Variants in LMO7 observed in about 807,000 individuals in gnomAD.
The protein encoded by LMO7 is LIM domain only protein 7.
LMO7 carries 120 observed loss-of-function variants against 206.5 expected under a neutral mutation model. The observed-to-expected ratio is 0.58, with a 90% confidence interval of 0.50 to 0.68. LMO7 has a LOEUF of 0.68. Ranked by LOEUF, LMO7 falls within the 30% of genes least tolerant of loss-of-function variation. The probability of loss-of-function intolerance (pLI) is 0.00; values close to 1 mark genes in which losing one functional copy is unlikely to be tolerated. For missense variants in LMO7, 1,959 were observed against 1,957.9 expected (o/e 1.00, Z -0.01); for synonymous variants, 706 against 681.5 (o/e 1.04, Z -0.56).
At chr13:75,749,307 AT>A (rs2047100366) in intron 3 of LMO7, among the ~76,000 whole-genome samples, 1 of 152,070 alleles carries the variant, frequency 6.6e-6, no homozygotes. Flanking sequence ...TCACAGTGAC[AT>A]TTTTTCTTAA....
chr13:75,800,685 C>T lies in LMO7; in HGVS notation c.464C>T (p.Ala155Val). 2 of 1,613,636 alleles carry T rather than the reference C, an allele frequency of 1.2e-6. No individual in the cohort carries two copies. The highest frequency in any genetic ancestry group is 1.7e-6 in the Non-Finnish European group (2 of 1,179,638). ...TTCTTTAAAAAACGTTTTCTTTAGGCACTCGAAGACTCCAGCTTCCTGAAA... is the reference window on the plus strand; with the variant it reads ...TTCTTTAAAAAACGTTTTCTTTAGGTACTCGAAGACTCCAGCTTCCTGAAA... ...ENLLGQALTK[A>V]LEDSSFLKRS... Residue 155 changes from alanine to valine, a missense_variant and splice_region_variant, in exon 7 of 31, where the codon GCA becomes GTA. By Grantham distance (64) the Ala-to-Val change is moderately conservative. Transcript: ENST00000377534.
intron 1 of LMO7, among the ~76,000 whole-genome samples, chr13:75,639,854 C>A (rs956659013): frequency 1.3e-5 from 2 of 152,178 alleles, no homozygotes; most frequent in Admixed American, 1.3e-4. Context: ...TTTCTGCTCA[C>A]CTGCCCTTCC....
chr13:75,808,911 C>A (rs1204472274), intron 10 of LMO7, among the ~76,000 whole-genome samples: 1 of 152,086 alleles, frequency 6.6e-6, no homozygotes, highest in Non-Finnish European at 1.5e-5. Context: ...CAATGGGAAG[C>A]CTTTTCATAT....
chr13:75,768,664 T>C (rs557448923), intron 4 of LMO7, among the ~76,000 whole-genome samples: 1 of 152,270 alleles, frequency 6.6e-6, no homozygotes, highest in East Asian at 1.9e-4. Context: ...GTTCCATTTT[T>C]TTCCCTTCAT....
chr13:75,709,184 A>T (rs1375322832), intron 1 of LMO7, among the ~76,000 whole-genome samples: 5 of 152,102 alleles, frequency 3.3e-5, no homozygotes, highest in Admixed American at 3.3e-4. Context: ...CACTTTCTTA[A>T]TCCAGTCTAT....
intron 1 of LMO7, among the ~76,000 whole-genome samples, chr13:75,673,520 C>A (rs1456530038): frequency 6.6e-6 from 1 of 152,114 alleles, no homozygotes; most frequent in Non-Finnish European, 1.5e-5. Flanking sequence ...AGCTACCTTG[C>A]AACCCTGAGG....
chr13:75,673,497 G>C (rs1402287929), intron 1 of LMO7, among the ~76,000 whole-genome samples: 3 of 152,088 alleles, frequency 2.0e-5, no homozygotes, highest in African/African-American at 7.2e-5. Context: ...GGTGTGAGGA[G>C]CAGATGTCCA....
chr13:75,751,538 A>G (rs1177944454), intron 3 of LMO7, among the ~76,000 whole-genome samples: 1 of 152,122 alleles, frequency 6.6e-6, no homozygotes, highest in African/African-American at 2.4e-5. Flanking sequence ...TAATCATGAC[A>G]AGAGTATTTG....
intron 19 of LMO7, among the ~76,000 whole-genome samples, chr13:75,837,108 C>T (rs2059191047): frequency 1.3e-5 from 2 of 152,264 alleles, no homozygotes; most frequent in East Asian, 3.9e-4. Flanking sequence ...CCTAGACTGC[C>T]AAGAATGGGA....
intron 1 of LMO7, among the ~76,000 whole-genome samples, chr13:75,652,506 C>A (rs1179847203): frequency 6.6e-6 from 1 of 152,080 alleles, no homozygotes; most frequent in Admixed American, 6.6e-5. Context: ...TTTCTCTTTT[C>A]TGAGTCTCTT....
At chr13:75,684,444 C>T (rs1566307499) in intron 1 of LMO7, among the ~76,000 whole-genome samples, 1 of 151,862 alleles carries the variant, frequency 6.6e-6, no homozygotes, top group Non-Finnish European at 1.5e-5. Context: ...GCGGTTTCTC[C>T]ACGTTGGTCA....
intron 4 of LMO7, among the ~76,000 whole-genome samples, chr13:75,777,657 T>G: frequency 6.7e-6 from 1 of 150,074 alleles, no homozygotes; most frequent in African/African-American, 2.4e-5. Context: ...GTTTTTTTTT[T>G]TTTTTTGAGA....
intron 1 of LMO7, among the ~76,000 whole-genome samples, chr13:75,711,601 G>A (rs913226402): frequency 3.3e-5 from 5 of 152,190 alleles, no homozygotes; most frequent in East Asian, 1.9e-4. Context: ...TTCGGCTCAC[G>A]CTCGGTGCGC....
intron 1 of LMO7, among the ~76,000 whole-genome samples, chr13:75,711,605 G>A (rs1479161911): frequency 3.3e-5 from 5 of 152,130 alleles, no homozygotes; most frequent in Admixed American, 6.5e-5. Context: ...GCTCACGCTC[G>A]GTGCGCTGCA....
intron 3 of LMO7, 136 bp from the exon 4 acceptor site, chr13:75,760,796 T>G: frequency 6.5e-7 from 1 of 1,544,576 alleles, no homozygotes; most frequent in South Asian, 1.2e-5. Flanking sequence ...CAAATATACA[T>G]ATGCATGGGT....
chr13:75,632,366 T>A (rs1478920672), upstream of LMO7, among the ~76,000 whole-genome samples: 1 of 152,220 alleles, frequency 6.6e-6, no homozygotes, highest in Admixed American at 6.5e-5. Context: ...CCTTTCCATA[T>A]AACTATTTGA....
chr13:75,636,826 C>A (rs1336888211), intron 1 of LMO7, 100 bp downstream of exon 1: 7 of 1,188,664 alleles, frequency 5.9e-6, no homozygotes, highest in Non-Finnish European at 8.5e-6. Flanking sequence ...CTTTAGCCTC[C>A]TTCGGCGACC....
At chr13:75,632,362 C>T (rs2035058700), upstream of LMO7, among the ~76,000 whole-genome samples, 1 of 152,190 alleles carries the variant, frequency 6.6e-6, no homozygotes, top group African/African-American at 2.4e-5. Context: ...CCAGCCTTTC[C>T]ATATAACTAT....
intron 14 of LMO7, 75 bp downstream of exon 14, chr13:75,821,684 T>C: frequency 2.0e-6 from 2 of 982,528 alleles, no homozygotes; most frequent in Non-Finnish European, 3.0e-6. Flanking sequence ...AGGTTGGGGT[T>C]ACATCAACTT....
Sources: allele counts gnomAD v4.1 joint callset (sites outside exome capture counted in the v4.1 genomes callset), GRCh38; gene constraint gnomAD v4.1.1; transcripts MANE v1.5; gene names NCBI Gene and HGNC (gene_info 2026-07-23, HGNC 2026-07-21).